The following ADGRL3 variants were observed in gnomAD, a reference collection of about 807,000 sequenced individuals.
The protein encoded by ADGRL3 is calcium-independent alpha-latrotoxin receptor 3.
In ADGRL3, 62 loss-of-function variants were observed where a neutral mutation model predicts 153.5. That is an observed-to-expected ratio of 0.40 (90% confidence interval 0.33 to 0.50). The LOEUF (loss-of-function observed/expected upper bound fraction) is 0.50, where lower values mean the gene tolerates loss of function less well. ADGRL3 is among the 20% of genes least tolerant of loss of function. The probability of loss-of-function intolerance (pLI) is 0.47; values close to 1 mark genes in which losing one functional copy is unlikely to be tolerated. For missense variants in ADGRL3, 1,641 were observed against 1,859.4 expected (o/e 0.88, Z 2.16); for synonymous variants, 710 against 672.5 (o/e 1.06, Z -0.86).
At chr4:61,542,103 G>A (rs773564722) in intron 4 of ADGRL3, among the ~76,000 whole-genome samples, 26 of 152,092 alleles carry the variant, frequency 1.7e-4, no homozygotes, top group Non-Finnish European at 3.5e-4. Context: ...AAGTAGAGAT[G>A]ACTGTGTGAC....
intron 2 of ADGRL3, among the ~76,000 whole-genome samples, chr4:61,387,338 C>A (rs547325229): frequency 1.3e-5 from 2 of 152,240 alleles, no homozygotes; most frequent in South Asian, 2.1e-4. Flanking sequence ...AAGTTTTGGG[C>A]ACCATTGTCA....
intron 3 of ADGRL3, among the ~76,000 whole-genome samples, chr4:61,510,319 T>TA: frequency 6.6e-6 from 1 of 152,172 alleles, no homozygotes; most frequent in East Asian, 1.9e-4. Flanking sequence ...AGGACAGTCA[T>TA]AAATTCTTTC....
At position 62,070,906 on chromosome 4, in the gene ADGRL3, T is replaced by C; in HGVS notation, c.4630T>C (p.Ter1544GlnextTer16). The part of the protein sequence containing the change: ...KGPAHLVTSL[*>Q] ...ACCGGCTCATTTGGTCACTAGTCTA[T>C]AGAAGATGACACAGAAATTGGAACC... is the stretch of plus-strand genomic sequence containing the variant. The change falls in exon 27 of 27, where the codon TAG becomes CAG. Residue 1544 changes from the stop codon to glutamine, a stop_lost. Coordinates refer to ENST00000683033, the MANE Select transcript of ADGRL3 (RefSeq NM_001387552.1). The C allele has an allele frequency of 6.5e-7, 1 of 1,539,456 alleles. No homozygotes were observed. The highest frequency in any genetic ancestry group is 8.8e-7 in the Non-Finnish European group (1 of 1,140,750).
intron 4 of ADGRL3, among the ~76,000 whole-genome samples, chr4:61,553,059 G>A (rs1033142493): frequency 5.3e-5 from 8 of 152,084 alleles, no homozygotes; most frequent in Non-Finnish European, 8.8e-5. Context: ...GGCTTATTGC[G>A]CCTGAGCCAT....
chr4:61,460,795 G>A (rs188565670), intron 2 of ADGRL3, among the ~76,000 whole-genome samples: 319 of 152,196 alleles, frequency 2.1e-3, no homozygotes, highest in Non-Finnish European at 2.5e-3. Context: ...TCGGCCAGGC[G>A]CAGTGGCTCA....
chr4:62,058,595 T>C (rs539677632), intron 25 of ADGRL3, among the ~76,000 whole-genome samples: 1 of 152,280 alleles, frequency 6.6e-6, no homozygotes. Context: ...GAACATTCTT[T>C]TCACATATGT....
intron 1 of ADGRL3, among the ~76,000 whole-genome samples, chr4:61,357,183 T>C (rs1010257281): frequency 6.6e-6 from 1 of 152,106 alleles, no homozygotes; most frequent in Non-Finnish European, 1.5e-5. Context: ...CATTTTCTGA[T>C]TTTACAGTAT....
intron 5 of ADGRL3, among the ~76,000 whole-genome samples, chr4:61,670,758 G>T (rs2150780472): frequency 6.6e-6 from 1 of 152,272 alleles, no homozygotes; most frequent in Admixed American, 6.5e-5. Flanking sequence ...GAGAGGTAAA[G>T]TTCCCCCCAG....
chr4:61,316,867 C>A (rs1189967988), intron 1 of ADGRL3, among the ~76,000 whole-genome samples: 1 of 152,146 alleles, frequency 6.6e-6, no homozygotes, highest in Non-Finnish European at 1.5e-5. Flanking sequence ...ACATAAGTGT[C>A]TATGCCTTCT....
chr4:61,649,641 G>A (rs1446264855), intron 5 of ADGRL3, among the ~76,000 whole-genome samples: 1 of 152,178 alleles, frequency 6.6e-6, no homozygotes, highest in East Asian at 1.9e-4. Context: ...TTAATAATTG[G>A]ATGTCTTATC....
intron 1 of ADGRL3, among the ~76,000 whole-genome samples, chr4:61,365,906 A>G (rs2096386478): frequency 2.0e-5 from 3 of 152,204 alleles, no homozygotes; most frequent in Non-Finnish European, 4.4e-5. Context: ...AATAATGATG[A>G]AAGGAGGAAA....
intron 6 of ADGRL3, among the ~76,000 whole-genome samples, chr4:61,723,521 T>C (rs1282590061): frequency 6.6e-6 from 1 of 151,976 alleles, no homozygotes; most frequent in Non-Finnish European, 1.5e-5. Flanking sequence ...GAGGAGGCGG[T>C]GTCTGATTTG....
intron 1 of ADGRL3, among the ~76,000 whole-genome samples, chr4:61,374,180 A>G (rs2096575551): frequency 6.6e-6 from 1 of 152,176 alleles, no homozygotes; most frequent in African/African-American, 2.4e-5. Context: ...TGGGGCAAAT[A>G]TCCCTCCTAT....
At chr4:61,659,716 A>G (rs1266273378) in intron 5 of ADGRL3, among the ~76,000 whole-genome samples, 2 of 152,140 alleles carry the variant, frequency 1.3e-5, no homozygotes, top group Non-Finnish European at 2.9e-5. Flanking sequence ...TAATTTCTTC[A>G]TGCATATCTA....
chr4:62,050,784 A>C (rs1287885712), intron 25 of ADGRL3, among the ~76,000 whole-genome samples: 1 of 151,960 alleles, frequency 6.6e-6, no homozygotes, highest in Non-Finnish European at 1.5e-5. Context: ...GAAGGATTAT[A>C]AAATCATTGG....
At chr4:61,738,704 A>C (rs573457198) in intron 8 of ADGRL3, among the ~76,000 whole-genome samples, 1 of 152,138 alleles carries the variant, frequency 6.6e-6, no homozygotes, top group Non-Finnish European at 1.5e-5. Flanking sequence ...TAAAATCCCT[A>C]CCTTTTGTTG....
At chr4:61,838,393 A>G (rs766234418) in intron 9 of ADGRL3, among the ~76,000 whole-genome samples, 1 of 152,182 alleles carries the variant, frequency 6.6e-6, no homozygotes, top group Non-Finnish European at 1.5e-5. Context: ...TAAACAGGAA[A>G]TGTTTATAGG....
At chr4:61,725,147 G>A (rs2096306285) in intron 6 of ADGRL3, among the ~76,000 whole-genome samples, 1 of 152,150 alleles carries the variant, frequency 6.6e-6, no homozygotes, top group African/African-American at 2.4e-5. Flanking sequence ...TGAGTAAGAT[G>A]AATTTTTATC....
intron 1 of ADGRL3, among the ~76,000 whole-genome samples, chr4:61,289,133 A>G (rs1309256688): frequency 6.6e-6 from 1 of 151,956 alleles, no homozygotes. Context: ...CAGACTTATC[A>G]TATTTTCTTT....
Sources: allele counts gnomAD v4.1 joint callset (sites outside exome capture counted in the v4.1 genomes callset), GRCh38; gene constraint gnomAD v4.1.1; transcripts MANE v1.5; gene names NCBI Gene and HGNC (gene_info 2026-07-23, HGNC 2026-07-21).